STXBP4: variants seen among roughly 807,000 people sequenced by gnomAD.
STXBP4 encodes the protein syntaxin-binding protein 4.
STXBP4 carries 55 observed loss-of-function variants against 76.1 expected under a neutral mutation model. The observed-to-expected ratio is 0.72, with a 90% CI of 0.58 to 0.91. The LOEUF (loss-of-function observed/expected upper bound fraction) is 0.91, where lower values mean the gene tolerates loss of function less well. Among genes scored for constraint, STXBP4 ranks in the 40% least tolerant of loss-of-function variants. STXBP4 has a pLI of 0.00. For synonymous variants in STXBP4, 201 were observed against 220.2 expected (o/e 0.91, Z 0.77); for missense variants, 618 against 636.9 (o/e 0.97, Z 0.32).
At chr17:55,097,380 T>C (rs973129528) in intron 16 of STXBP4, among the ~76,000 whole-genome samples, 1 of 152,202 alleles carries the variant, frequency 6.6e-6, no homozygotes, top group Non-Finnish European at 1.5e-5. Flanking sequence ...TTGCCTGTAG[T>C]TGACCGGGCG....
Position 54,986,143 on chromosome 17 carries a change from A to G in STXBP4, c.-77A>G. The G allele has an allele frequency of 7.9e-7, 1 of 1,264,930 alleles. No individual in the cohort carries two copies. Among genetic ancestry groups the G allele is most frequent in the East Asian group, 2.3e-5 (1 of 42,844 alleles). 78.4% of individuals were successfully genotyped at this position (1,264,930 alleles called of 1,614,324 possible). A position where few individuals can be genotyped will look rare whatever the true frequency, so the allele number is the denominator to read the frequency against. On this transcript the variant is annotated splice_region_variant and 5_prime_UTR_variant, in exon 3 of 18. Coordinates refer to ENST00000376352, the MANE Select transcript of STXBP4 (RefSeq NM_178509.6). The stretch of plus-strand genomic sequence containing the variant: ...TATTTTCTACTTCTTCAATCCTAGG[A>G]AAAGAAGAATTTCTAGACTCTTCAT...
At chr17:55,124,133 G>A (rs1372254386) in intron 16 of STXBP4, among the ~76,000 whole-genome samples, 1 of 152,126 alleles carries the variant, frequency 6.6e-6, no homozygotes, top group Non-Finnish European at 1.5e-5. Flanking sequence ...GGGACAGTGA[G>A]GCCCCATGAC....
At chr17:55,184,895 TG>T in the STXBP4 span, among the ~76,000 whole-genome samples, 1 of 152,168 alleles carries the variant, frequency 6.6e-6, no homozygotes, top group Non-Finnish European at 1.5e-5. Flanking sequence ...TTTGTTGAGA[TG>T]GGGTCTCGCT....
At chr17:55,063,203 G>A (rs1178747008) in intron 12 of STXBP4, among the ~76,000 whole-genome samples, 1 of 152,166 alleles carries the variant, frequency 6.6e-6, no homozygotes, top group East Asian at 1.9e-4. Context: ...TTCTAAGCAA[G>A]CATTGGCAAA....
the STXBP4 span, among the ~76,000 whole-genome samples, chr17:55,180,835 A>T: frequency 1.3e-5 from 2 of 152,210 alleles, no homozygotes; most frequent in African/African-American, 4.8e-5. Context: ...ACAAGAGGAA[A>T]GACCATTTTA....
At chr17:55,070,835 C>T (rs2079110716) in intron 12 of STXBP4, among the ~76,000 whole-genome samples, 1 of 152,084 alleles carries the variant, frequency 6.6e-6, no homozygotes, top group Admixed American at 6.6e-5. Context: ...ACATGGTTCT[C>T]TTTTTGTAAC....
chr17:54,994,679 A>G (rs1236190562), intron 4 of STXBP4, among the ~76,000 whole-genome samples: 1 of 152,008 alleles, frequency 6.6e-6, no homozygotes. Context: ...CCCAACCTAC[A>G]TATCTTACTA....
chr17:55,139,939 T>G (rs905608433), intron 16 of STXBP4, among the ~76,000 whole-genome samples: 1 of 152,114 alleles, frequency 6.6e-6, no homozygotes, highest in African/African-American at 2.4e-5. Flanking sequence ...AAAAACATCA[T>G]CCTTAGAGTT....
intron 16 of STXBP4, among the ~76,000 whole-genome samples, chr17:55,109,234 T>G (rs2145049119): frequency 6.6e-6 from 1 of 152,296 alleles, no homozygotes; most frequent in Non-Finnish European, 1.5e-5. Context: ...GAGATATTGA[T>G]TTTTAAAATA....
Position 55,168,214 on chromosome 17 carries a change from T to A in STXBP4, c.*8303T>A, listed in dbSNP as rs919622351. ...CTTAGTATATGTGTGTGTGTGTGTG[T>A]GTATATATATATATCTGTGTGTATA... On this transcript the variant is annotated 3_prime_UTR_variant, in exon 18 of 18. Transcript: ENST00000376352. 3.1e-5 allele frequency: 4 copies of A among 129,732 alleles called. No individual in the cohort carries two copies. Among genetic ancestry groups the A allele is most frequent in the Non-Finnish European group, 6.6e-5 (4 of 60,822 alleles). 8.0% of individuals were successfully genotyped at this position (129,732 alleles called of 1,614,324 possible).
At chr17:55,001,253 T>C (rs1400338507) in intron 7 of STXBP4, among the ~76,000 whole-genome samples, 1 of 152,196 alleles carries the variant, frequency 6.6e-6, no homozygotes, top group Non-Finnish European at 1.5e-5. Context: ...GAAAACACAT[T>C]ATAGAAGGGA....
intron 8 of STXBP4, among the ~76,000 whole-genome samples, chr17:55,022,928 A>G (rs2078340627): frequency 6.6e-6 from 1 of 152,194 alleles, no homozygotes; most frequent in Non-Finnish European, 1.5e-5. Context: ...CCATTGAGCC[A>G]TTTTTAATAG....
Position 54,973,236 on chromosome 17 carries a change from T to G in STXBP4, c.-157+4421T>G, listed in dbSNP as rs575570839. ...TAGTGGCAGAGCTGGAGTTTAAGCC[T>G]GGATTTTTTCTGACTCCTTACAACT... On this transcript the variant is annotated intron_variant, in intron 1 of 17. Coordinates refer to ENST00000376352, the MANE Select transcript of STXBP4 (RefSeq NM_178509.6). Among the ~76,000 whole-genome samples, 4 of 152,348 alleles carry G rather than the reference T, an allele frequency of 2.6e-5. No homozygotes were observed. In the South Asian group the frequency reaches 8.3e-4, roughly 32 times the overall value.
intron 12 of STXBP4, among the ~76,000 whole-genome samples, chr17:55,050,436 C>T (rs939036800): frequency 3.3e-5 from 5 of 152,154 alleles, no homozygotes; most frequent in East Asian, 3.9e-4. Context: ...GAACTTCTAG[C>T]TTCTAAAATC....
intron 16 of STXBP4, among the ~76,000 whole-genome samples, chr17:55,106,738 A>C (rs1317788645): frequency 6.6e-6 from 1 of 152,196 alleles, no homozygotes; most frequent in African/African-American, 2.4e-5. Context: ...TTGGCTGGAT[A>C]TGAAATTCTG....
Position 55,007,679 on chromosome 17 carries a change from C to A in STXBP4, c.666+82C>A. ...TCTCCTTCTTTGAGAGGATAAAGTA[C>A]TGGAGTCATTAGTTTCTTGAAGTTA... On this transcript the variant is annotated intron_variant, in intron 8 of 17. Coordinates refer to ENST00000376352, the MANE Select transcript of STXBP4 (RefSeq NM_178509.6). The A allele has an allele frequency of 1.9e-6, 2 of 1,037,140 alleles. 1 individual carries two copies. Among genetic ancestry groups the A allele is most frequent in the South Asian group, 3.0e-5 (2 of 67,410 alleles). The allele number at this position is 1,037,140 out of a possible 1,614,324, so 64.2% of individuals were successfully genotyped here.
chr17:55,022,082 C>CTT (rs778955769), intron 8 of STXBP4, among the ~76,000 whole-genome samples: 1 of 139,368 alleles, frequency 7.2e-6, no homozygotes, highest in African/African-American at 2.6e-5. Context: ...CATGGAATGC[C>CTT]TTTTTTTTTT....
At position 55,033,605 on chromosome 17, in the gene STXBP4, A is replaced by C. The variant is rs560615849; in HGVS notation, c.764-563A>C. On this transcript the variant is annotated intron_variant, in intron 9 of 17. Coordinates refer to ENST00000376352, the MANE Select transcript of STXBP4 (RefSeq NM_178509.6). The stretch of plus-strand genomic sequence containing the variant: ...AGTAAGTTACTCTCCTTGTCAGAAG[A>C]AGCCTATGAACTGTTCTTTTTCCTC... Among the ~76,000 whole-genome samples the C allele has an allele frequency of 3.5e-4, 54 of 152,308 alleles. 1 individual carries two copies. The South Asian group carries it at 0.01, about 29-fold the overall frequency.
At chr17:55,208,341 G>A in the STXBP4 span, among the ~76,000 whole-genome samples, 12 of 152,188 alleles carry the variant, frequency 7.9e-5, no homozygotes, top group East Asian at 1.2e-3. Flanking sequence ...CACCCAGTAC[G>A]GTGTGCTGTG....
Sources: gnomAD v4.1 joint callset for allele counts (sites outside exome capture counted in the v4.1 genomes callset) on GRCh38, gnomAD v4.1.1 for gene constraint, MANE v1.5 for transcripts, NCBI Gene and HGNC (gene_info 2026-07-23, HGNC 2026-07-21) for gene names.